Variants in ZNF829 observed in about 807,000 individuals in gnomAD.
ZNF829 encodes the protein zinc finger protein 829.
A neutral mutation model predicts 35.2 loss-of-function variants in ZNF829; 25 were observed. The ratio of observed to expected loss-of-function variants is 0.71; its 90% CI spans 0.52 to 0.99. The LOEUF (loss-of-function observed/expected upper bound fraction) is 0.99. Among genes scored for constraint, ZNF829 ranks in the 50% least tolerant of loss-of-function variants. The probability of loss-of-function intolerance (pLI) is 0.00; values close to 1 mark genes in which losing one functional copy is unlikely to be tolerated. For missense variants in ZNF829, 417 were observed against 515.3 expected (o/e 0.81, Z 1.85); for synonymous variants, 136 against 163.2 (o/e 0.83, Z 1.27).
intron 3 of ZNF829, among the ~76,000 whole-genome samples, chr19:36,914,016 G>C (rs2073284853): frequency 6.6e-6 from 1 of 152,022 alleles, no homozygotes; most frequent in Non-Finnish European, 1.5e-5. Flanking sequence ...TCCAATATAT[G>C]GTATTGATAA....
chr19:36,910,774 A>AG (rs1317263737), intron 3 of ZNF829, among the ~76,000 whole-genome samples: 1 of 152,214 alleles, frequency 6.6e-6, no homozygotes, highest in Admixed American at 6.5e-5. Context: ...TGGGAAGCCA[A>AG]GGGGGGTGGA....
intron 1 of ZNF829, 164 bp downstream of exon 1, chr19:36,915,847 G>A (rs2073321039): frequency 1.3e-6 from 2 of 1,535,640 alleles, no homozygotes; most frequent in Admixed American, 2.0e-5. Flanking sequence ...CTCCTGCCTC[G>A]GCCTCCCAAA....
At chr19:36,912,462 G>GT (rs1412356060) in intron 3 of ZNF829, among the ~76,000 whole-genome samples, 1 of 152,058 alleles carries the variant, frequency 6.6e-6, no homozygotes, top group Non-Finnish European at 1.5e-5. Context: ...AGCAGATTTG[G>GT]TTTTTCAGTT....
chr19:36,904,952 A>C (rs1354940882), intron 5 of ZNF829, among the ~76,000 whole-genome samples: 1 of 152,152 alleles, frequency 6.6e-6, no homozygotes, highest in African/African-American at 2.4e-5. Context: ...GCTGGGAAAA[A>C]GTGAAGATTC....
At chr19:36,896,378 G>A (rs1307338228) in intron 5 of ZNF829, among the ~76,000 whole-genome samples, 1 of 152,044 alleles carries the variant, frequency 6.6e-6, no homozygotes, top group African/African-American at 2.4e-5. Flanking sequence ...AGCTACTCAG[G>A]AGGCTGAGGC....
At position 36,889,510 on chromosome 19, in the gene ZNF829, T is replaced by C. The variant is rs1195264314; in HGVS notation, c.*1982A>G. On this transcript the variant is annotated 3_prime_UTR_variant, in exon 6 of 6. Transcript: ENST00000391711. ...GTTGAGGATTCCTATTTCTCCCTGG[T>C]TCAATCTTGGAAGGTTATGTGTTTC... is the stretch of plus-strand genomic sequence containing the variant. 2 of 152,196 alleles carry C rather than the reference T, an allele frequency of 1.3e-5. No individual in the cohort carries two copies. Among genetic ancestry groups the C allele is most frequent in the African/African-American group, 4.8e-5 (2 of 41,450 alleles). The allele number at this position is 152,196 out of a possible 1,614,324, so 9.4% of individuals were successfully genotyped here.
Position 36,914,997 on chromosome 19 carries a change from T to G in ZNF829, c.64A>C (p.Met22Leu). The G allele has an allele frequency of 6.2e-7, 1 of 1,614,174 alleles. No homozygotes were observed. The highest frequency in any genetic ancestry group is 8.5e-7 in the Non-Finnish European group (1 of 1,180,020). Reference sequence around the variant, plus strand: ...ACTGCTTGTAGAAGTTCATCATGCATTCTTTCCTCCTCTTCTGGGTGACAC... The same window carrying G: ...ACTGCTTGTAGAAGTTCATCATGCAGTCTTTCCTCCTCTTCTGGGTGACAC... ...VWCHPEEEER[M>L]HDELLQAVSK... Residue 22 changes from methionine (M) to leucine (L), a missense_variant, in exon 3 of 6, where the codon ATG (methionine) becomes CTG (leucine). By Grantham distance (15) the Met-to-Leu change is conservative. Coordinates refer to ENST00000391711, the MANE Select transcript of ZNF829 (RefSeq NM_001037232.4).
At chr19:36,894,206 A>C (rs2073090203) in intron 5 of ZNF829, among the ~76,000 whole-genome samples, 1 of 152,208 alleles carries the variant, frequency 6.6e-6, no homozygotes, top group Non-Finnish European at 1.5e-5. Flanking sequence ...TTGCAGCCAG[A>C]GAAATCATAT....
intron 3 of ZNF829, chr19:36,913,012 T>A (rs1462568603): frequency 2.6e-5 from 4 of 151,986 alleles, no homozygotes; most frequent in Non-Finnish European, 5.9e-5. Context: ...AAAATAAAAA[T>A]TTATTGTCTA....
At chr19:36,915,985 T>C in intron 1 of ZNF829, 26 bp downstream of exon 1, 1 of 1,496,788 alleles carries the variant, frequency 6.7e-7, no homozygotes. Flanking sequence ...CCTGAGCCAG[T>C]TCTCCTGGGG....
intron 5 of ZNF829, among the ~76,000 whole-genome samples, chr19:36,896,782 C>G (rs1317048347): frequency 1.3e-5 from 2 of 152,162 alleles, no homozygotes; most frequent in Non-Finnish European, 2.9e-5. Flanking sequence ...TCTTCTCAGA[C>G]TACACTAGAA....
chr19:36,896,464 C>T (rs746605771), intron 5 of ZNF829, among the ~76,000 whole-genome samples: 6 of 152,064 alleles, frequency 3.9e-5, no homozygotes, highest in East Asian at 3.9e-4. Flanking sequence ...GCCTGGGCGA[C>T]GGAACTAGAC....
chr19:36,910,217 T>A (rs1207133166), intron 3 of ZNF829, among the ~76,000 whole-genome samples: 1 of 152,032 alleles, frequency 6.6e-6, no homozygotes, highest in Non-Finnish European at 1.5e-5. Context: ...CCCGAGTAGC[T>A]GGGATTACAG....
At chr19:36,911,998 A>G (rs1310018310) in intron 3 of ZNF829, among the ~76,000 whole-genome samples, 1 of 151,650 alleles carries the variant, frequency 6.6e-6, no homozygotes, top group Non-Finnish European at 1.5e-5. Context: ...AACATCCATC[A>G]AGGCAAAAGA....
chr19:36,892,868 AG>A (rs2073073656), intron 5 of ZNF829: 1 of 1,152,286 alleles, frequency 8.7e-7, no homozygotes. Flanking sequence ...CTCGTCGTAC[AG>A]CTTGTGGAGC....
chr19:36,915,913 C>G (rs2073322834), intron 1 of ZNF829, 98 bp downstream of exon 1: 1 of 1,535,992 alleles, frequency 6.5e-7, no homozygotes, highest in Non-Finnish European at 8.7e-7. Context: ...CGCCAGCTCC[C>G]CATCGGTCTT....
At chr19:36,896,422 G>T (rs891733516) in intron 5 of ZNF829, among the ~76,000 whole-genome samples, 3 of 152,122 alleles carry the variant, frequency 2.0e-5, no homozygotes, top group Admixed American at 6.6e-5. Context: ...GGCAGAGGTT[G>T]CAGTGAGCCA....
chr19:36,891,978 T>A lies in ZNF829; in HGVS notation c.813A>T (p.Lys271Asn). Reference sequence around the variant, plus strand: ...TTTTAGTAAAGGCTTTTCCACATACTTTACATTCATAGGGTTTCTCACCAG... The same window carrying A: ...TTTTAGTAAAGGCTTTTCCACATACATTACATTCATAGGGTTTCTCACCAG... ...IHTGEKPYEC[K>N]VCGKAFTKSS... The change falls in exon 6 of 6, where the codon AAA (lysine) becomes AAT (asparagine). Residue 271 changes from lysine to asparagine, a missense_variant. By Grantham distance (94) the Lys-to-Asn change is moderately conservative. Transcript: ENST00000391711. The A allele has an allele frequency of 6.2e-7, 1 of 1,613,108 alleles. No individual in the cohort carries two copies. Among genetic ancestry groups the A allele is most frequent in the Non-Finnish European group, 8.5e-7 (1 of 1,179,646 alleles).
At chr19:36,907,839 G>T in intron 5 of ZNF829, 90 bp downstream of exon 5, 2 of 1,107,250 alleles carry the variant, frequency 1.8e-6, no homozygotes, top group Non-Finnish European at 2.6e-6. Flanking sequence ...ATATGGAAGA[G>T]GCTTCAGGCC....
Sources: allele counts gnomAD v4.1 joint callset (sites outside exome capture counted in the v4.1 genomes callset), GRCh38; gene constraint gnomAD v4.1.1; transcripts MANE v1.5; gene names NCBI Gene and HGNC (gene_info 2026-07-23, HGNC 2026-07-21).